Variants in ITPR1 observed in about 807,000 individuals in gnomAD.
ITPR1 encodes inositol 1,4,5-trisphosphate receptor type 1, also known as inositol 1,4,5-trisphosphate-gated calcium channel ITPR1.
ITPR1 carries 96 observed loss-of-function variants against 318.4 expected under a neutral mutation model. The observed-to-expected ratio is 0.30, with a 90% CI of 0.26 to 0.36. The LOEUF (loss-of-function observed/expected upper bound fraction) is 0.36. Ranked by LOEUF, ITPR1 falls within the 10% of genes least tolerant of loss-of-function variation. The probability of loss-of-function intolerance (pLI) is 1.00; values close to 1 mark genes in which losing one functional copy is unlikely to be tolerated. For missense variants in ITPR1, 2,440 were observed against 3,460.2 expected (o/e 0.71, Z 7.40); for synonymous variants, 1,312 against 1,289.9 (o/e 1.02, Z -0.37).
chr3:4,592,030 A>T (rs537965211), intron 4 of ITPR1, among the ~76,000 whole-genome samples: 1 of 152,176 alleles, frequency 6.6e-6, no homozygotes, highest in African/African-American at 2.4e-5. Context: ...CCCTTGATCC[A>T]TGTTTCTTCA....
At chr3:4,518,397 C>A (rs1022326802) in intron 3 of ITPR1, among the ~76,000 whole-genome samples, 21 of 152,236 alleles carry the variant, frequency 1.4e-4, no homozygotes, top group Admixed American at 1.0e-3. Context: ...TCCCTCCTGC[C>A]CTTTTAAAGT....
chr3:4,670,334 G>A (rs1302830707), intron 19 of ITPR1, among the ~76,000 whole-genome samples: 1 of 152,286 alleles, frequency 6.6e-6, no homozygotes, highest in Non-Finnish European at 1.5e-5. Context: ...TCAGTTTTGG[G>A]CTTGGGCTAA....
At chr3:4,682,129 C>T (rs2094314532) in intron 26 of ITPR1, among the ~76,000 whole-genome samples, 1 of 152,208 alleles carries the variant, frequency 6.6e-6, no homozygotes, top group Non-Finnish European at 1.5e-5. Context: ...AGTCCTGTGG[C>T]TTGATTAAGC....
Position 4,619,820 on chromosome 3 carries a change from C to G in ITPR1, c.164-7943C>G, listed in dbSNP as rs535564542. Among the ~76,000 whole-genome samples the G allele has an allele frequency of 8.2e-4, 80 of 98,054 alleles. 2 individuals carry two copies. Among genetic ancestry groups the G allele is most frequent in the Admixed American group, 2.3e-3 (21 of 8,976 alleles). The allele number at this position is 98,054 out of a possible 152,430, so 64.3% of individuals were successfully genotyped here. ...CCCCTGCTCTCCTCTGCCCTCCCCTCCCCTCCTCTCCCCTCTCCCCTCTCC... is the reference window on the plus strand; with the variant it reads ...CCCCTGCTCTCCTCTGCCCTCCCCTGCCCTCCTCTCCCCTCTCCCCTCTCC... On this transcript the variant is annotated intron_variant, in intron 4 of 61. Coordinates refer to ENST00000649015, the MANE Select transcript of ITPR1 (RefSeq NM_001378452.1).
intron 10 of ITPR1, among the ~76,000 whole-genome samples, chr3:4,647,866 G>C (rs1303675837): frequency 6.6e-6 from 1 of 152,216 alleles, no homozygotes; most frequent in Non-Finnish European, 1.5e-5. Context: ...TAAGAATCAA[G>C]TTCAGCCGGA....
intron 2 of ITPR1, among the ~76,000 whole-genome samples, chr3:4,510,435 G>A (rs2081724023): frequency 6.6e-6 from 1 of 152,204 alleles, no homozygotes; most frequent in South Asian, 2.1e-4. Flanking sequence ...GAAGGCCTTA[G>A]GGAGTCCAGT....
At chr3:4,740,223 G>A (rs2125328321) in intron 44 of ITPR1, among the ~76,000 whole-genome samples, 1 of 152,274 alleles carries the variant, frequency 6.6e-6, no homozygotes, top group East Asian at 1.9e-4. Context: ...ACCTACCATG[G>A]GTCAGCCAGG....
chr3:4,678,609 G>A (rs1559676282), intron 24 of ITPR1, among the ~76,000 whole-genome samples: 1 of 152,236 alleles, frequency 6.6e-6, no homozygotes, highest in Non-Finnish European at 1.5e-5. Context: ...CTGCGTGGAT[G>A]TGGAAATAAA....
chr3:4,643,382 G>T (rs1012824564), intron 7 of ITPR1, among the ~76,000 whole-genome samples: 3 of 152,150 alleles, frequency 2.0e-5, no homozygotes, highest in African/African-American at 7.2e-5. Context: ...CACATCCTTT[G>T]GTTTCCTATC....
intron 44 of ITPR1, among the ~76,000 whole-genome samples, chr3:4,756,644 C>T (rs1286327860): frequency 6.6e-6 from 1 of 152,092 alleles, no homozygotes; most frequent in Non-Finnish European, 1.5e-5. Context: ...ATCCACGTTC[C>T]CACAAAAGAT....
chr3:4,600,139 A>G (rs898328149), intron 4 of ITPR1, among the ~76,000 whole-genome samples: 1 of 152,206 alleles, frequency 6.6e-6, no homozygotes, highest in Non-Finnish European at 1.5e-5. Flanking sequence ...TTTGTGTTGT[A>G]TGCATCAATA....
At position 4,629,478 on chromosome 3, in the gene ITPR1, G is replaced by A. The variant is rs150985627; in HGVS notation, c.279+1600G>A. Among the ~76,000 whole-genome samples the A allele has an allele frequency of 7.6e-4, 116 of 152,236 alleles. 2 individuals are homozygous for A. The East Asian group carries it at 0.018, about 23-fold the overall frequency. On this transcript the variant is annotated intron_variant, in intron 5 of 61. Coordinates refer to ENST00000649015, the MANE Select transcript of ITPR1 (RefSeq NM_001378452.1). ...GTCTGCAATTATATTTAGTAGCTTCGTTAATTATCACCTGTCGCTTATTAG... is the reference window on the plus strand; with the variant it reads ...GTCTGCAATTATATTTAGTAGCTTCATTAATTATCACCTGTCGCTTATTAG...
intron 4 of ITPR1, among the ~76,000 whole-genome samples, chr3:4,552,643 T>C (rs907509378): frequency 9.2e-5 from 14 of 152,208 alleles, no homozygotes; most frequent in Non-Finnish European, 1.8e-4. Flanking sequence ...CTGGTCCTTT[T>C]GGGTTTTTAT....
chr3:4,784,499 C>T (rs1190870362), intron 51 of ITPR1, among the ~76,000 whole-genome samples: 2 of 151,744 alleles, frequency 1.3e-5, no homozygotes, highest in Non-Finnish European at 2.9e-5. Context: ...GGCTGCATCC[C>T]CAGAGCAATG....
chr3:4,511,830 G>A (rs2081851247), intron 2 of ITPR1, among the ~76,000 whole-genome samples: 2 of 152,272 alleles, frequency 1.3e-5, no homozygotes, highest in South Asian at 4.1e-4. Flanking sequence ...ATTGCGGGGA[G>A]GATGGTGATG....
intron 31 of ITPR1, 82 bp from the exon 32 acceptor site, chr3:4,691,062 G>A: frequency 1.2e-6 from 1 of 867,838 alleles, no homozygotes; most frequent in South Asian, 2.4e-5. Flanking sequence ...TGTTTCAGTG[G>A]ACTCTTCTTT....
intron 2 of ITPR1, among the ~76,000 whole-genome samples, chr3:4,504,596 G>A (rs1401489045): frequency 6.6e-5 from 10 of 152,192 alleles, no homozygotes; most frequent in Non-Finnish European, 1.3e-4. Flanking sequence ...AGGAGGGGGA[G>A]CTGTGTGAAA....
intron 7 of ITPR1, 149 bp from the exon 8 acceptor site, chr3:4,643,987 A>G: frequency 1.7e-6 from 1 of 591,156 alleles, no homozygotes; most frequent in Non-Finnish European, 3.2e-6. Flanking sequence ...GTTTTAAAGA[A>G]GGCGTGGTGT....
chr3:4,630,158 G>T (rs1033922154), intron 5 of ITPR1, among the ~76,000 whole-genome samples: 1 of 152,106 alleles, frequency 6.6e-6, no homozygotes, highest in African/African-American at 2.4e-5. Context: ...AATGCTCAGG[G>T]ATGACTGCTC....
Sources: gnomAD v4.1 joint callset for allele counts (sites outside exome capture counted in the v4.1 genomes callset) on GRCh38, gnomAD v4.1.1 for gene constraint, MANE v1.5 for transcripts, NCBI Gene and HGNC (gene_info 2026-07-23, HGNC 2026-07-21) for gene names.